BPTF: variants seen among roughly 807,000 people sequenced by gnomAD.
The protein encoded by BPTF is nucleosome-remodeling factor subunit BPTF.
BPTF carries 18 observed loss-of-function variants against 292.5 expected under a neutral mutation model. The observed-to-expected ratio is 0.06, with a 90% CI of 0.04 to 0.09. The LOEUF (loss-of-function observed/expected upper bound fraction) is 0.09, where lower values mean the gene tolerates loss of function less well. Ranked by LOEUF, BPTF falls within the 10% of genes least tolerant of loss-of-function variation. BPTF has a pLI of 1.00. For missense variants in BPTF, 2,726 were observed against 3,498.7 expected (o/e 0.78, Z 5.57); for synonymous variants, 1,225 against 1,251.9 (o/e 0.98, Z 0.45).
At chr17:67,953,086 C>T (rs782228308) in intron 23 of BPTF, among the ~76,000 whole-genome samples, 5 of 151,806 alleles carry the variant, frequency 3.3e-5, no homozygotes, top group South Asian at 2.1e-4. Flanking sequence ...CTCAGCTTCC[C>T]GAGTAGCTGG....
chr17:67,827,322 C>T (rs1447246688), intron 1 of BPTF, among the ~76,000 whole-genome samples: 2 of 152,154 alleles, frequency 1.3e-5, no homozygotes, highest in Non-Finnish European at 2.9e-5. Flanking sequence ...CTCCCGAAAT[C>T]CGTAATGAAT....
At chr17:67,892,932 A>T (rs543660135) in intron 5 of BPTF, among the ~76,000 whole-genome samples, 83 of 152,324 alleles carry the variant, frequency 5.4e-4, no homozygotes, top group African/African-American at 1.8e-3. Context: ...GGGGTCTTAC[A>T]CTGTAGCTGG....
intron 4 of BPTF, among the ~76,000 whole-genome samples, chr17:67,881,036 G>C (rs1455448598): frequency 6.6e-6 from 1 of 151,536 alleles, no homozygotes; most frequent in African/African-American, 2.4e-5. Flanking sequence ...AATCTTGTCA[G>C]AATACTGTCA....
chr17:67,826,330 C>T lies in BPTF; in HGVS notation c.606C>T (p.Ser202=). The T allele has an allele frequency of 6.8e-6, 11 of 1,609,872 alleles. No homozygotes were observed. The highest frequency in any genetic ancestry group is 2.2e-5 in the East Asian group (1 of 44,764). The part of the protein sequence containing the change: ...SSFRSHSTYS[S]TPGRRKPRVH... ...TCAGGAGCCATAGTACCTACAGCAG[C>T]ACTCCAGGTACCCACCCAGCCCAGT... The change falls in exon 1 of 28, where the codon AGC becomes AGT. Residue 202 remains serine (S), a synonymous_variant. Transcript: ENST00000306378.
intron 17 of BPTF, 95 bp downstream of exon 17, chr17:67,929,582 C>G (rs920763238): frequency 1.1e-5 from 16 of 1,405,066 alleles, no homozygotes; most frequent in African/African-American, 1.4e-5. Flanking sequence ...ACTCAGTTTC[C>G]TTTGCCTATT....
chr17:67,890,132 G>A (rs1458910783), intron 4 of BPTF, among the ~76,000 whole-genome samples: 1 of 152,030 alleles, frequency 6.6e-6, no homozygotes, highest in Admixed American at 6.6e-5. Flanking sequence ...TGATATTTTG[G>A]AGTCAAAATC....
intron 4 of BPTF, among the ~76,000 whole-genome samples, chr17:67,881,858 G>GTTTTTTT (rs71354089): frequency 1.3e-4 from 4 of 30,016 alleles, no homozygotes; most frequent in African/African-American, 1.8e-4. Context: ...TTGGGTTTTT[G>GTTTTTTT]TTTTTTTTTT....
intron 7 of BPTF, among the ~76,000 whole-genome samples, chr17:67,897,174 C>CA (rs1279387639): frequency 2.0e-5 from 2 of 101,634 alleles, no homozygotes; most frequent in African/African-American, 5.6e-5. Flanking sequence ...TTAAAAAAAA[C>CA]AAAAACAAAA....
chr17:67,935,557 T>C (rs1342879689), intron 18 of BPTF, among the ~76,000 whole-genome samples: 1 of 152,144 alleles, frequency 6.6e-6, no homozygotes, highest in Non-Finnish European at 1.5e-5. Context: ...GGGAGGAATA[T>C]GCTTGTTCAC....
At chr17:67,867,938 C>T (rs1382035373) in intron 3 of BPTF, among the ~76,000 whole-genome samples, 1 of 152,104 alleles carries the variant, frequency 6.6e-6, no homozygotes, top group African/African-American at 2.4e-5. Context: ...AACAGCCACA[C>T]TTAGCGGGTG....
Position 67,875,608 on chromosome 17 carries a change from C to T in BPTF, c.1864+588C>T, listed in dbSNP as rs746394009. ...ACTCTGTGTCAGCAAATCTTGGCGA[C>T]AACACAACAAATGCAACTTCAGAAG... is the stretch of plus-strand genomic sequence containing the variant. On this transcript the variant is annotated intron_variant, in intron 4 of 27. Coordinates refer to ENST00000306378, the MANE Select transcript of BPTF (RefSeq NM_182641.4). The T allele has an allele frequency of 1.3e-4, 215 of 1,594,694 alleles. 1 individual carries two copies. The highest frequency in any genetic ancestry group is 8.5e-7 in the Non-Finnish European group (1 of 1,170,154).
chr17:67,840,970 C>T (rs1362091035), intron 1 of BPTF, among the ~76,000 whole-genome samples: 2 of 152,198 alleles, frequency 1.3e-5, no homozygotes, highest in Non-Finnish European at 2.9e-5. Context: ...CCTTGCGTTT[C>T]ATTCTCTTAA....
At chr17:67,886,761 C>CTTT (rs1469725143) in intron 4 of BPTF, among the ~76,000 whole-genome samples, 1 of 152,062 alleles carries the variant, frequency 6.6e-6, no homozygotes, top group East Asian at 1.9e-4. Context: ...CTGCATCCTG[C>CTTT]TTTTTTTACT....
intron 7 of BPTF, among the ~76,000 whole-genome samples, chr17:67,900,127 CAG>C (rs570366805): frequency 1.4e-4 from 22 of 151,978 alleles, no homozygotes; most frequent in Non-Finnish European, 1.9e-4. Flanking sequence ...TGTTTTGAGA[CAG>C]AGTCTTGCTG....
At chr17:67,893,162 T>G (rs1465233637) in intron 5 of BPTF, 1 of 572,026 alleles carries the variant, frequency 1.7e-6, no homozygotes, top group Non-Finnish European at 3.1e-6. Flanking sequence ...TATGTGTTAG[T>G]TTTCTTTCTG....
Position 67,975,898 on chromosome 17 carries a change from A to G in BPTF, c.8666A>G (p.Gln2889Arg). ...YYNPSDSPFYQCAEVLESFFV... is the reference protein window; with the variant it reads ...YYNPSDSPFYRCAEVLESFFV... ...AATCCAAGTGACTCCCCATTTTACC[A>G]GTGTGCAGAAGTTCTCGAATCATTC... The change falls in exon 27 of 28, where the codon CAG becomes CGG. Residue 2889 changes from glutamine to arginine, a missense_variant. This residue lies in a region of BPTF where 27 missense variants were observed against 66.1 expected (regional missense o/e 0.41). Transcript: ENST00000306378. 2 of 1,613,450 alleles carry G rather than the reference A, an allele frequency of 1.2e-6. No homozygotes were observed. The highest frequency in any genetic ancestry group is 1.7e-6 in the Non-Finnish European group (2 of 1,179,852).
intron 14 of BPTF, among the ~76,000 whole-genome samples, chr17:67,923,743 G>A (rs2063634251): frequency 6.6e-6 from 1 of 151,672 alleles, no homozygotes; most frequent in African/African-American, 2.4e-5. Flanking sequence ...GCCTCCCAAA[G>A]TGCTGGGATT....
At chr17:67,880,404 G>A (rs1441090562) in intron 4 of BPTF, among the ~76,000 whole-genome samples, 4 of 151,834 alleles carry the variant, frequency 2.6e-5, no homozygotes, top group Admixed American at 2.0e-4. Context: ...TTTTTATGAC[G>A]TCTACTATCA....
chr17:67,980,005 C>G (rs374465606), intron 27 of BPTF, among the ~76,000 whole-genome samples: 1 of 151,810 alleles, frequency 6.6e-6, no homozygotes, highest in Admixed American at 6.6e-5. Context: ...ACACTCTAGC[C>G]TGGGCAACAA....
Sources: allele counts gnomAD v4.1 joint callset (sites outside exome capture counted in the v4.1 genomes callset), GRCh38; gene constraint gnomAD v4.1.1; regional missense constraint gnomAD v4.1.1; transcripts MANE v1.5; gene names NCBI Gene and HGNC (gene_info 2026-07-23, HGNC 2026-07-21).